The following MEIOB variants were observed in gnomAD, a reference collection of about 807,000 sequenced individuals.
MEIOB encodes the protein meiosis specific with OB-fold.
Under a neutral mutation model 53.1 loss-of-function variants are expected in MEIOB, and 50 were observed. The observed-to-expected ratio is 0.94, with a 90% confidence interval of 0.75 to 1.19. The LOEUF is 1.19. Among genes scored for constraint, MEIOB ranks in the 50% most tolerant of loss-of-function variants. The probability of loss-of-function intolerance (pLI) is 0.00; values close to 1 mark genes in which losing one functional copy is unlikely to be tolerated. For missense variants in MEIOB, 551 were observed against 550.8 expected, an observed-to-expected ratio of 1.00 and a Z score of 0.00; for synonymous variants, 192 against 182.5, an observed-to-expected ratio of 1.05 and a Z score of -0.42.
chr16:1,837,101 G>T (rs1343067592), intron 13 of MEIOB, among the ~76,000 whole-genome samples: 2 of 152,112 alleles, frequency 1.3e-5, no homozygotes, highest in East Asian at 1.9e-4. Flanking sequence ...CTGACACCTT[G>T]AACACAAAGA....
At chr16:1,867,140 T>C (rs1159386256) in intron 2 of MEIOB, among the ~76,000 whole-genome samples, 1 of 152,188 alleles carries the variant, frequency 6.6e-6, no homozygotes, top group Non-Finnish European at 1.5e-5. Flanking sequence ...TTGTAAGAAA[T>C]CTAGTTTGCA....
At chr16:1,853,717 G>A (rs199499704) in intron 7 of MEIOB, among the ~76,000 whole-genome samples, 2 of 152,196 alleles carry the variant, frequency 1.3e-5, no homozygotes, top group East Asian at 3.9e-4. Flanking sequence ...GTACCTGGCA[G>A]TGCTTCAGGG....
intron 5 of MEIOB, among the ~76,000 whole-genome samples, chr16:1,860,179 CTAAGAA>C (rs1899407638): frequency 6.6e-6 from 1 of 152,174 alleles, no homozygotes; most frequent in African/African-American, 2.4e-5. Flanking sequence ...TTTTGTAAAT[CTAAGAA>C]TGAGAATCAA....
chr16:1,866,135 A>G (rs1411380540), intron 2 of MEIOB, among the ~76,000 whole-genome samples: 1 of 152,208 alleles, frequency 6.6e-6, no homozygotes, highest in Non-Finnish European at 1.5e-5. Flanking sequence ...TATGCTATCA[A>G]TCCTTACTGA....
chr16:1,870,771 C>T (rs1899722753), intron 1 of MEIOB, among the ~76,000 whole-genome samples: 2 of 152,156 alleles, frequency 1.3e-5, no homozygotes, highest in South Asian at 4.1e-4. Context: ...TTGGCCTGGT[C>T]TGATGTGGCT....
At chr16:1,839,569 C>T (rs1216460152) in intron 11 of MEIOB, 131 bp from the exon 12 acceptor site, 7 of 775,122 alleles carry the variant, frequency 9.0e-6, no homozygotes, top group South Asian at 5.7e-5. Context: ...CAGTGCTATG[C>T]GGTCTACAAG....
intron 3 of MEIOB, among the ~76,000 whole-genome samples, chr16:1,862,687 G>C (rs1324491826): frequency 6.6e-6 from 1 of 151,998 alleles, no homozygotes; most frequent in Admixed American, 6.6e-5. Flanking sequence ...TTGGGAGCCC[G>C]AGGCGGGTGG....
At chr16:1,863,268 T>C (rs1212011931) in intron 3 of MEIOB, among the ~76,000 whole-genome samples, 1 of 151,704 alleles carries the variant, frequency 6.6e-6, no homozygotes, top group Non-Finnish European at 1.5e-5. Context: ...CTCGGCTCAC[T>C]GCAACCCCTG....
intron 1 of MEIOB, among the ~76,000 whole-genome samples, chr16:1,871,288 C>T (rs1238900500): frequency 3.4e-5 from 5 of 146,234 alleles, no homozygotes; most frequent in Non-Finnish European, 6.0e-5. Flanking sequence ...GGCGCAATCT[C>T]GGCTCACTAC....
chr16:1,869,839 G>T, intron 1 of MEIOB, among the ~76,000 whole-genome samples: 1 of 150,224 alleles, frequency 6.7e-6, no homozygotes, highest in African/African-American at 2.5e-5. Context: ...ACCTCATATT[G>T]AGCATTTGAT....
chr16:1,851,338 C>T (rs1899167276), intron 9 of MEIOB, among the ~76,000 whole-genome samples: 2 of 152,194 alleles, frequency 1.3e-5, no homozygotes, highest in Non-Finnish European at 2.9e-5. Context: ...TTTGCTCAAA[C>T]GTCACTCTCC....
At chr16:1,838,041 A>G (rs904493446) in intron 12 of MEIOB, 171 bp from the exon 13 acceptor site, 2 of 1,292,550 alleles carry the variant, frequency 1.5e-6, no homozygotes, top group South Asian at 3.2e-5. Context: ...CTGTCGCCCA[A>G]GCTGGAGTGC....
intron 6 of MEIOB, among the ~76,000 whole-genome samples, chr16:1,854,695 C>T (rs541657432): frequency 7.8e-4 from 118 of 152,164 alleles, no homozygotes; most frequent in Non-Finnish European, 1.4e-3. Flanking sequence ...TAGGATATGT[C>T]CTTTGCCTTC....
At chr16:1,842,229 C>G (rs1032681654) in intron 10 of MEIOB, among the ~76,000 whole-genome samples, 1 of 151,956 alleles carries the variant, frequency 6.6e-6, no homozygotes, top group Admixed American at 6.6e-5. Flanking sequence ...AGTGAAAAGG[C>G]AAGCCACAGA....
chr16:1,835,884 C>T (rs1464282857), intron 13 of MEIOB, among the ~76,000 whole-genome samples: 1 of 148,670 alleles, frequency 6.7e-6, no homozygotes, highest in Non-Finnish European at 1.5e-5. Flanking sequence ...TTTTGAGACA[C>T]AGTCTCACTC....
intron 6 of MEIOB, among the ~76,000 whole-genome samples, chr16:1,854,941 A>C (rs917986140): frequency 6.6e-6 from 1 of 151,972 alleles, no homozygotes. Flanking sequence ...CAGGCCCAGC[A>C]TGGACAGTCA....
At position 1,853,083 on chromosome 16, in the gene MEIOB, A is replaced by T; in HGVS notation, c.734T>A (p.Met245Lys). ...GGTTTTTGAGATTACAGTTGCTGTC[A>T]TGCAGTTCCGAAATTTGTCAAAATT... ...RINFDKFRNCMTATVISKTII... is the reference protein window; with the variant it reads ...RINFDKFRNCKTATVISKTII... Residue 245 changes from methionine to lysine, a missense_variant, in exon 9 of 14, where the codon ATG becomes AAG. Coordinates refer to ENST00000325962, the MANE Select transcript of MEIOB (RefSeq NM_001163560.3). 6.2e-7 allele frequency: 1 copy of T among 1,613,154 alleles called. No individual in the cohort carries two copies. Among genetic ancestry groups the T allele is most frequent in the Non-Finnish European group, 8.5e-7 (1 of 1,179,330 alleles).
At chr16:1,865,378 G>A (rs1360051095) in intron 3 of MEIOB, among the ~76,000 whole-genome samples, 1 of 151,660 alleles carries the variant, frequency 6.6e-6, no homozygotes, top group East Asian at 1.9e-4. Context: ...GTTGCAGTGA[G>A]TCGAGATCGT....
At chr16:1,868,656 C>T (rs529215316) in intron 1 of MEIOB, among the ~76,000 whole-genome samples, 2 of 152,072 alleles carry the variant, frequency 1.3e-5, no homozygotes, top group Non-Finnish European at 2.9e-5. Flanking sequence ...GAGATCGAGA[C>T]CATCCCGGCT....
Sources: gnomAD v4.1 joint callset for allele counts (sites outside exome capture counted in the v4.1 genomes callset) on GRCh38, gnomAD v4.1.1 for gene constraint, MANE v1.5 for transcripts, NCBI Gene and HGNC (gene_info 2026-07-23, HGNC 2026-07-21) for gene names.